The following RGS6 variants were observed in gnomAD, a reference collection of about 807,000 sequenced individuals.
The protein encoded by RGS6 is regulator of G protein signaling 6.
A neutral mutation model predicts 78.5 loss-of-function variants in RGS6; 30 were observed. That is an observed-to-expected ratio of 0.38 (90% confidence interval 0.29 to 0.52). The LOEUF is 0.52. RGS6 is among the 20% of genes least tolerant of loss of function. The pLI is 0.85. For missense variants in RGS6, 495 were observed against 609.7 expected (o/e 0.81, Z 1.98); for synonymous variants, 206 against 206.0 (o/e 1.00, Z 0.00).
chr14:72,391,845 G>A (rs1271174595), intron 3 of RGS6, among the ~76,000 whole-genome samples: 3 of 152,080 alleles, frequency 2.0e-5, no homozygotes, highest in African/African-American at 4.8e-5. Flanking sequence ...GAGAACATGC[G>A]GTGTTTCGTT....
intron 2 of RGS6, among the ~76,000 whole-genome samples, chr14:72,062,519 G>A (rs1195749368): frequency 6.6e-6 from 1 of 152,230 alleles, no homozygotes; most frequent in Non-Finnish European, 1.5e-5. Flanking sequence ...TGGAGATGAT[G>A]GAGTTTGGAC....
In RGS6 at chr14:72,245,208, G is replaced by A. The variant is rs147170515; in HGVS notation, c.85-106887G>A. On this transcript the variant is annotated intron_variant, in intron 2 of 17. Transcript: ENST00000553525. Reference sequence around the variant, plus strand: ...CACGTTTGTTGAATGCCAGTTTTATGTGGCATGGGAATCTTCACAGGGAAA... The same window carrying A: ...CACGTTTGTTGAATGCCAGTTTTATATGGCATGGGAATCTTCACAGGGAAA... Among the ~76,000 whole-genome samples the A allele has an allele frequency of 4.2e-3, 637 of 152,340 alleles. 6 individuals are homozygous for A. Among genetic ancestry groups the A allele is most frequent in the African/African-American group, 0.015 (617 of 41,574 alleles).
chr14:71,886,934 G>A, the RGS6 span, among the ~76,000 whole-genome samples: 7 of 152,148 alleles, frequency 4.6e-5, no homozygotes, highest in African/African-American at 7.2e-5. Context: ...GGTGGATCAC[G>A]AGGTCAGGAG....
At chr14:71,875,171 G>A in the RGS6 span, among the ~76,000 whole-genome samples, 2 of 152,222 alleles carry the variant, frequency 1.3e-5, no homozygotes, top group African/African-American at 4.8e-5. Context: ...AATGAATTAG[G>A]GAGGATTCCC....
At chr14:72,117,121 G>C (rs1223131217) in intron 2 of RGS6, among the ~76,000 whole-genome samples, 1 of 152,172 alleles carries the variant, frequency 6.6e-6, no homozygotes, top group African/African-American at 2.4e-5. Flanking sequence ...CAAGCAAAAT[G>C]AAGAGCCAGT....
intron 2 of RGS6, among the ~76,000 whole-genome samples, chr14:72,197,526 A>G (rs572939796): frequency 1.3e-5 from 2 of 152,370 alleles, no homozygotes; most frequent in Admixed American, 6.5e-5. Flanking sequence ...GCCTGGGGCT[A>G]CAGTGGGTAG....
intron 3 of RGS6, among the ~76,000 whole-genome samples, chr14:72,412,005 C>T (rs981705646): frequency 3.3e-5 from 5 of 152,116 alleles, no homozygotes; most frequent in Admixed American, 2.6e-4. Context: ...CAGTGTTCAT[C>T]AAGGATATTG....
chr14:72,588,747 G>T, the RGS6 span, among the ~76,000 whole-genome samples: 1 of 152,176 alleles, frequency 6.6e-6, no homozygotes, highest in African/African-American at 2.4e-5. Context: ...GCAAGTTTCT[G>T]TTCTTTCTTT....
chr14:72,115,639 C>T lies in RGS6; in HGVS notation c.84+150764C>T, dbSNP rs530568531. ...GAGCCAGCAGATAACCCACAAAAGC[C>T]TCAACAGCCCCTGGCCCCCCATCAA... is the stretch of plus-strand genomic sequence containing the variant. On this transcript the variant is annotated intron_variant, in intron 2 of 17. Transcript: ENST00000553525. 5.3e-5 allele frequency among the ~76,000 whole-genome samples: 8 copies of T among 152,290 alleles called. No homozygotes were observed. The South Asian group carries it at 1.7e-3, about 32-fold the overall frequency.
intron 12 of RGS6, among the ~76,000 whole-genome samples, chr14:72,493,429 G>A (rs758836336): frequency 2.6e-5 from 4 of 151,790 alleles, no homozygotes; most frequent in Non-Finnish European, 5.9e-5. Context: ...TTAAAAGAGA[G>A]TTTAACAAAA....
chr14:72,139,596 C>T (rs116146030), intron 2 of RGS6, among the ~76,000 whole-genome samples: 1 of 152,154 alleles, frequency 6.6e-6, no homozygotes, highest in Admixed American at 6.5e-5. Context: ...TTGCACTGAG[C>T]ATTAAAATAT....
At chr14:72,250,399 G>GAAGAAAA (rs1555577325) in intron 2 of RGS6, among the ~76,000 whole-genome samples, 2 of 114,288 alleles carry the variant, frequency 1.7e-5, no homozygotes, top group Non-Finnish European at 1.7e-5. Flanking sequence ...TAAATACACC[G>GAAGAAAA]AAAAAAAAAA....
chr14:71,903,336 T>A, the RGS6 span, among the ~76,000 whole-genome samples: 1 of 152,264 alleles, frequency 6.6e-6, no homozygotes, highest in Non-Finnish European at 1.5e-5. Flanking sequence ...CACAGTACTC[T>A]GCACATGGTA....
intron 2 of RGS6, among the ~76,000 whole-genome samples, chr14:72,121,235 C>G (rs1312933726): frequency 6.6e-6 from 1 of 152,180 alleles, no homozygotes; most frequent in Non-Finnish European, 1.5e-5. Flanking sequence ...TTTAAACTTT[C>G]CTCCAGTGAA....
intron 2 of RGS6, among the ~76,000 whole-genome samples, chr14:72,072,646 G>A (rs192972129): frequency 1.3e-5 from 2 of 152,256 alleles, no homozygotes; most frequent in East Asian, 1.9e-4. Flanking sequence ...AGCACTTAGG[G>A]GAAGCAGAAG....
Position 72,495,258 on chromosome 14 carries a change from A to G in RGS6, c.961A>G (p.Met321Val). The stretch of plus-strand genomic sequence containing the variant: ...TGACGTTGCTTTGTGGGACATAGAG[A>G]TGAGGTAAAAAATGTTTTAAGGTTT... Reference protein sequence around the residue: ...SDDVALWDIEMSKEPSQQRVK... With the variant: ...SDDVALWDIEVSKEPSQQRVK... The change falls in exon 13 of 18, where the codon ATG becomes GTG. Residue 321 changes from methionine (M) to valine (V), a missense_variant. Transcript: ENST00000553525. 1 of 1,602,182 alleles carries G rather than the reference A, an allele frequency of 6.2e-7. No individual in the cohort carries two copies. Among genetic ancestry groups the G allele is most frequent in the Non-Finnish European group, 8.6e-7 (1 of 1,169,120 alleles).
At chr14:72,368,756 G>A (rs2082890305) in intron 3 of RGS6, among the ~76,000 whole-genome samples, 3 of 152,148 alleles carry the variant, frequency 2.0e-5, no homozygotes, top group Admixed American at 2.0e-4. Context: ...CTGTATCACT[G>A]GAAGGAAGAA....
At chr14:72,459,180 C>T (rs1318393039) in intron 5 of RGS6, among the ~76,000 whole-genome samples, 3 of 152,150 alleles carry the variant, frequency 2.0e-5, no homozygotes, top group Non-Finnish European at 4.4e-5. Context: ...CCCTCCCCAC[C>T]CATTTCACAC....
At chr14:72,237,849 C>A (rs1456629955) in intron 2 of RGS6, among the ~76,000 whole-genome samples, 67 of 152,092 alleles carry the variant, frequency 4.4e-4, no homozygotes, top group Admixed American at 4.3e-3. Context: ...ACCTCTGGAG[C>A]CCTCGAGGGC....
Sources: allele counts gnomAD v4.1 joint callset (sites outside exome capture counted in the v4.1 genomes callset), GRCh38; gene constraint gnomAD v4.1.1; transcripts MANE v1.5; gene names NCBI Gene and HGNC (gene_info 2026-07-23, HGNC 2026-07-21).